The following ADAMTSL1 variants were observed in gnomAD, a reference collection of about 807,000 sequenced individuals.
ADAMTSL1 encodes the protein ADAMTS-like protein 1.
Under a neutral mutation model 201.8 loss-of-function variants are expected in ADAMTSL1, and 126 were observed. The observed-to-expected ratio is 0.62, with a 90% CI of 0.54 to 0.72. The LOEUF (loss-of-function observed/expected upper bound fraction) is 0.72, where lower values mean the gene tolerates loss of function less well. Ranked by LOEUF, ADAMTSL1 falls within the 30% of genes least tolerant of loss-of-function variation. The probability of loss-of-function intolerance (pLI) is 0.00; values close to 1 mark genes in which losing one functional copy is unlikely to be tolerated. For missense variants in ADAMTSL1, 2,679 were observed against 2,277.8 expected (o/e 1.18, Z -3.59); for synonymous variants, 1,121 against 903.4 (o/e 1.24, Z -4.32).
chr9:18,314,091 C>G (rs1486386357), intron 2 of ADAMTSL1, among the ~76,000 whole-genome samples: 2 of 152,046 alleles, frequency 1.3e-5, no homozygotes, highest in African/African-American at 2.4e-5. Flanking sequence ...TGCTCAATGT[C>G]TATAATCAGT....
intron 1 of ADAMTSL1, among the ~76,000 whole-genome samples, chr9:18,142,491 C>A (rs1323923694): frequency 2.0e-5 from 3 of 152,154 alleles, no homozygotes; most frequent in African/African-American, 4.8e-5. Context: ...ATGGAGGGCA[C>A]CCCCTCACCT....
intron 1 of ADAMTSL1, among the ~76,000 whole-genome samples, chr9:17,934,499 C>T (rs993969183): frequency 2.6e-5 from 4 of 152,110 alleles, no homozygotes; most frequent in African/African-American, 9.7e-5. Context: ...TCTACCTGTG[C>T]AGATAAATGG....
intron 2 of ADAMTSL1, among the ~76,000 whole-genome samples, chr9:18,530,831 A>G (rs1819398606): frequency 6.6e-6 from 1 of 152,202 alleles, no homozygotes; most frequent in Non-Finnish European, 1.5e-5. Context: ...TATAGAGCCA[A>G]GATTCTAGAA....
chr9:18,002,457 C>A (rs569554238), intron 1 of ADAMTSL1, among the ~76,000 whole-genome samples: 9 of 152,080 alleles, frequency 5.9e-5, no homozygotes, highest in African/African-American at 2.2e-4. Context: ...TGTAAAATAG[C>A]AAATACTGTC....
At chr9:18,101,357 G>A (rs1352092451) in intron 1 of ADAMTSL1, among the ~76,000 whole-genome samples, 1 of 151,984 alleles carries the variant, frequency 6.6e-6, no homozygotes, top group Non-Finnish European at 1.5e-5. Flanking sequence ...AATTAGCTAG[G>A]CGTGGTGGCA....
At chr9:18,148,707 C>A (rs1057385861) in intron 1 of ADAMTSL1, among the ~76,000 whole-genome samples, 2 of 151,900 alleles carry the variant, frequency 1.3e-5, no homozygotes, top group Non-Finnish European at 2.9e-5. Context: ...ATTAGCTAAT[C>A]CTTCATTATC....
chr9:18,644,668 G>A (rs528821924), intron 7 of ADAMTSL1, among the ~76,000 whole-genome samples: 2 of 151,738 alleles, frequency 1.3e-5, no homozygotes, highest in East Asian at 1.9e-4. Context: ...ATAGTTTACT[G>A]AGAATGATGA....
chr9:18,738,012 C>G (rs1473603887), intron 15 of ADAMTSL1, among the ~76,000 whole-genome samples: 1 of 152,104 alleles, frequency 6.6e-6, no homozygotes. Context: ...AAGTACCTAC[C>G]TCATAGGGGT....
At chr9:18,518,447 C>T (rs1818493662) in intron 2 of ADAMTSL1, among the ~76,000 whole-genome samples, 1 of 152,190 alleles carries the variant, frequency 6.6e-6, no homozygotes, top group Non-Finnish European at 1.5e-5. Flanking sequence ...TAATGGCCTC[C>T]AGCTCCATCC....
intron 2 of ADAMTSL1, among the ~76,000 whole-genome samples, chr9:18,252,164 A>C (rs10963538): frequency 6.6e-6 from 1 of 152,172 alleles, no homozygotes; most frequent in Admixed American, 6.5e-5. Flanking sequence ...GTTGCAGTAC[A>C]TAGGAAAAAT....
At chr9:18,213,466 G>T (rs903469030) in intron 2 of ADAMTSL1, among the ~76,000 whole-genome samples, 2 of 152,160 alleles carry the variant, frequency 1.3e-5, no homozygotes, top group Non-Finnish European at 2.9e-5. Flanking sequence ...TTAGTGAGAA[G>T]CTAAACTTTT....
chr9:18,488,534 T>C (rs1048642172), intron 1 of ADAMTSL1, among the ~76,000 whole-genome samples: 1 of 152,240 alleles, frequency 6.6e-6, no homozygotes, highest in Non-Finnish European at 1.5e-5. Flanking sequence ...ATTTCAACCC[T>C]GGTTCCACCA....
intron 2 of ADAMTSL1, among the ~76,000 whole-genome samples, chr9:18,330,578 TGC>T (rs1379512509): frequency 6.6e-6 from 1 of 152,216 alleles, no homozygotes; most frequent in Non-Finnish European, 1.5e-5. Context: ...GCCAAGTGTG[TGC>T]CAGGTGTTTT....
At chr9:18,217,331 T>G (rs372349681) in intron 2 of ADAMTSL1, among the ~76,000 whole-genome samples, 1 of 152,130 alleles carries the variant, frequency 6.6e-6, no homozygotes, top group Non-Finnish European at 1.5e-5. Flanking sequence ...GCCCGTGTGT[T>G]TTTTTCACTG....
intron 2 of ADAMTSL1, among the ~76,000 whole-genome samples, chr9:18,344,147 A>G (rs918770735): frequency 2.0e-5 from 3 of 152,062 alleles, no homozygotes; most frequent in African/African-American, 7.2e-5. Context: ...TAATTACCAA[A>G]ATTTAGGGTT....
At chr9:18,714,277 CA>C (rs1429915024) in intron 14 of ADAMTSL1, among the ~76,000 whole-genome samples, 1 of 150,536 alleles carries the variant, frequency 6.6e-6, no homozygotes, top group Non-Finnish European at 1.5e-5. Context: ...AATAGAGACA[CA>C]AAAAACCCTT....
chr9:18,136,527 T>G (rs2131986914), intron 1 of ADAMTSL1, among the ~76,000 whole-genome samples: 1 of 152,050 alleles, frequency 6.6e-6, no homozygotes, highest in African/African-American at 2.4e-5. Flanking sequence ...AGTGCTTTAG[T>G]AGAGTAGGAA....
chr9:18,361,343 A>G (rs906685456), intron 2 of ADAMTSL1, among the ~76,000 whole-genome samples: 4 of 152,176 alleles, frequency 2.6e-5, no homozygotes, highest in African/African-American at 9.7e-5. Flanking sequence ...ATGTTGATGT[A>G]TTTCTTTTTA....
chr9:18,698,193 C>T (rs575692118), intron 13 of ADAMTSL1, among the ~76,000 whole-genome samples: 1 of 152,232 alleles, frequency 6.6e-6, no homozygotes, highest in East Asian at 1.9e-4. Flanking sequence ...TTCTTAGAAG[C>T]TTCATGTACA....
Sources: allele counts gnomAD v4.1 joint callset (sites outside exome capture counted in the v4.1 genomes callset), GRCh38; gene constraint gnomAD v4.1.1; transcripts MANE v1.5; gene names NCBI Gene and HGNC (gene_info 2026-07-23, HGNC 2026-07-21).